PHF24: variants seen among roughly 807,000 people sequenced by gnomAD.
PHF24 encodes Galpha inhibitory interacting protein.
PHF24 carries 25 observed loss-of-function variants against 42.6 expected under a neutral mutation model. That is an observed-to-expected ratio of 0.59 (90% confidence interval 0.43 to 0.82). PHF24 has a LOEUF of 0.82. Ranked by LOEUF, PHF24 falls within the 40% of genes least tolerant of loss-of-function variation. The pLI is 0.00. For synonymous variants in PHF24, 185 were observed against 204.8 expected, an observed-to-expected ratio of 0.90 and a Z score of 0.83; for missense variants, 470 against 538.1, an observed-to-expected ratio of 0.87 and a Z score of 1.25.
Position 34,968,191 on chromosome 9 carries a change from A to C in PHF24, c.-4-3104A>C, listed in dbSNP as rs118042654. 3.4e-3 allele frequency among the ~76,000 whole-genome samples: 525 copies of C among 152,224 alleles called. 3 individuals are homozygous for C. The highest frequency in any genetic ancestry group is 6.6e-3 in the Non-Finnish European group (450 of 68,012). On this transcript the variant is annotated intron_variant, in intron 1 of 7. Coordinates refer to ENST00000242315, the Ensembl canonical transcript of PHF24. ...CCACCAATAAATATACTTCTACCTC[A>C]GTGTTTTCCGTGTTGTTTAGTCTTT... is the stretch of plus-strand genomic sequence containing the variant.
chr9:34,843,121 C>A, the PHF24 span, among the ~76,000 whole-genome samples: 34 of 152,234 alleles, frequency 2.2e-4, 1 homozygote, highest in South Asian at 3.7e-3. Context: ...GTCTAGAAAT[C>A]CATAAATGTT....
chr9:34,722,460 T>A, the PHF24 span, among the ~76,000 whole-genome samples: 2 of 152,170 alleles, frequency 1.3e-5, no homozygotes, highest in African/African-American at 2.4e-5. Context: ...TGGTTTGAGA[T>A]GAATATTGGA....
chr9:34,892,968 T>C, the PHF24 span: 3 of 698,604 alleles, frequency 4.3e-6, no homozygotes, highest in Non-Finnish European at 7.7e-6. Context: ...AAAGACACAC[T>C]AGATGTGGAC....
chr9:34,835,122 G>C, the PHF24 span: 2 of 1,538,372 alleles, frequency 1.3e-6, no homozygotes, highest in Non-Finnish European at 1.8e-6. Flanking sequence ...AGAGCCATAG[G>C]GTTTGGAGTT....
At chr9:34,692,022 A>C in the PHF24 span, among the ~76,000 whole-genome samples, 2 of 152,178 alleles carry the variant, frequency 1.3e-5, no homozygotes, top group South Asian at 4.1e-4. Flanking sequence ...TGGCCAGCTC[A>C]TATTCAGACA....
chr9:34,850,935 T>C, the PHF24 span, among the ~76,000 whole-genome samples: 1 of 152,256 alleles, frequency 6.6e-6, no homozygotes, highest in Non-Finnish European at 1.5e-5. Flanking sequence ...CCGCGAATGC[T>C]GCTGTCTGAT....
At chr9:34,974,892 A>G (rs1297262426) in intron 3 of PHF24, among the ~76,000 whole-genome samples, 1 of 151,912 alleles carries the variant, frequency 6.6e-6, no homozygotes, top group Non-Finnish European at 1.5e-5. Context: ...TTCCAGTTCA[A>G]TCTCTCCCTC....
the PHF24 span, chr9:34,918,181 A>T: frequency 6.8e-7 from 1 of 1,464,674 alleles, no homozygotes; most frequent in Non-Finnish European, 9.6e-7. Context: ...AAGAAGGGTT[A>T]CTTTGAAGAC....
chr9:34,914,599 C>T, the PHF24 span, among the ~76,000 whole-genome samples: 1 of 152,112 alleles, frequency 6.6e-6, no homozygotes, highest in African/African-American at 2.4e-5. Flanking sequence ...ACAGAAATCT[C>T]ATTTTTCCAT....
the PHF24 span, chr9:34,894,899 A>G: frequency 2.5e-6 from 1 of 396,856 alleles, no homozygotes; most frequent in Non-Finnish European, 4.4e-6. Flanking sequence ...GAAGTCTTCC[A>G]TGAGAAATTG....
At chr9:34,714,527 A>C in the PHF24 span, among the ~76,000 whole-genome samples, 1 of 152,364 alleles carries the variant, frequency 6.6e-6, no homozygotes, top group Non-Finnish European at 1.5e-5. Flanking sequence ...CCTTAAATAG[A>C]ATCTCAGAAT....
the PHF24 span, among the ~76,000 whole-genome samples, chr9:34,779,773 T>G: frequency 9.2e-5 from 14 of 152,352 alleles, no homozygotes; most frequent in Admixed American, 8.5e-4. Flanking sequence ...TCGCCCAGGC[T>G]GGAGTGCAAT....
chr9:34,824,120 A>G, the PHF24 span, among the ~76,000 whole-genome samples: 1 of 152,168 alleles, frequency 6.6e-6, no homozygotes, highest in Non-Finnish European at 1.5e-5. Flanking sequence ...CCAGCTTGGC[A>G]GGTAAGAGCC....
At chr9:34,889,074 A>T in the PHF24 span, 3 of 398,446 alleles carry the variant, frequency 7.5e-6, no homozygotes, top group Non-Finnish European at 8.8e-6. Context: ...TCTTTGCTTA[A>T]AGGTACAAAG....
At chr9:34,897,440 T>G in the PHF24 span, among the ~76,000 whole-genome samples, 12 of 152,330 alleles carry the variant, frequency 7.9e-5, no homozygotes, top group African/African-American at 2.9e-4. Flanking sequence ...TACAGAAGTT[T>G]CTGTTTGGGG....
chr9:34,886,686 CTT>C, the PHF24 span, among the ~76,000 whole-genome samples: 2 of 152,110 alleles, frequency 1.3e-5, no homozygotes, highest in Non-Finnish European at 2.9e-5. Context: ...CCTTAGATCT[CTT>C]TCATTTACAC....
At chr9:34,899,702 G>C in the PHF24 span, among the ~76,000 whole-genome samples, 1 of 152,176 alleles carries the variant, frequency 6.6e-6, no homozygotes, top group Non-Finnish European at 1.5e-5. Context: ...ACTACCCAAT[G>C]CAGGATTGTG....
chr9:34,758,671 A>ACGCTG, the PHF24 span, among the ~76,000 whole-genome samples: 2 of 152,076 alleles, frequency 1.3e-5, no homozygotes, highest in South Asian at 4.1e-4. This position sits in a 1 kb window ranked among gnomAD's most constrained non-coding sequence, Gnocchi z 4.4. Flanking sequence ...AGATGGCATC[A>ACGCTG]CGCTGCAGCA....
At chr9:34,779,245 G>T in the PHF24 span, among the ~76,000 whole-genome samples, 1 of 151,906 alleles carries the variant, frequency 6.6e-6, no homozygotes, top group Non-Finnish European at 1.5e-5. Flanking sequence ...ATAAAGATTA[G>T]AGCAGCAAGA....
Sources: allele counts gnomAD v4.1 joint callset (sites outside exome capture counted in the v4.1 genomes callset), GRCh38; gene constraint gnomAD v4.1.1; non-coding constraint Gnocchi (gnomAD v3.1); transcripts MANE v1.5; gene names NCBI Gene and HGNC (gene_info 2026-07-23, HGNC 2026-07-21).